Variants in NUDT14 observed in about 807,000 individuals in gnomAD.
NUDT14 encodes nudix hydrolase 14, also known as uridine diphosphate glucose pyrophosphatase NUDT14.
NUDT14 carries 22 observed loss-of-function variants against 17.5 expected under a neutral mutation model. The ratio of observed to expected loss-of-function variants is 1.26; its 90% CI spans 0.90 to 1.80. The LOEUF is 1.80. Ranked by LOEUF, NUDT14 falls within the 40% of genes most tolerant of loss-of-function variation. NUDT14 has a pLI of 0.00. For missense variants in NUDT14, 296 were observed against 295.6 expected, an observed-to-expected ratio of 1.00 and a Z score of -0.01; for synonymous variants, 129 against 125.8, an observed-to-expected ratio of 1.03 and a Z score of -0.17.
intron 4 of NUDT14, 153 bp downstream of exon 4, chr14:105,176,381 A>T (rs1889212514): frequency 4.4e-6 from 3 of 684,182 alleles, no homozygotes; most frequent in South Asian, 3.6e-5. Flanking sequence ...GGCCTGGCTT[A>T]GGAGCTGAGG....
intron 1 of NUDT14, among the ~76,000 whole-genome samples, chr14:105,178,935 C>T (rs1889273184): frequency 6.6e-6 from 1 of 152,114 alleles, no homozygotes; most frequent in Non-Finnish European, 1.5e-5. Flanking sequence ...TCAGGCAGCC[C>T]GAGAGGCCGT....
intron 1 of NUDT14, among the ~76,000 whole-genome samples, chr14:105,179,604 C>G (rs752134215): frequency 2.8e-4 from 43 of 152,250 alleles, no homozygotes; most frequent in Non-Finnish European, 4.7e-4. Context: ...GGGCCTGCAC[C>G]TGCTGCCTGA....
intron 4 of NUDT14, chr14:105,175,362 C>T (rs760211413): frequency 1.0e-4 from 16 of 153,692 alleles, no homozygotes; most frequent in South Asian, 9.9e-4. Flanking sequence ...CAAGTCCACC[C>T]TTCGGCATGG....
rs1889142888 is a variant in NUDT14, at chr14:105,173,277, G to C, written c.429-16C>G. 6.7e-7 allele frequency: 1 copy of C among 1,498,510 alleles called. No individual in the cohort carries two copies. The highest frequency in any genetic ancestry group is 8.9e-7 in the Non-Finnish European group (1 of 1,123,602). 92.8% of individuals were successfully genotyped at this position (1,498,510 alleles called of 1,614,324 possible). A position where few individuals can be genotyped will look rare whatever the true frequency, so the allele number is the denominator to read the frequency against. The stretch of plus-strand genomic sequence containing the variant: ...CACTCCAGACCTACGGGTTGAGACA[G>C]GGTCTGCTGAGTCACCCACGCTGGC... On this transcript the variant is annotated splice_polypyrimidine_tract_variant and intron_variant, in intron 4 of 4. Transcript: ENST00000392568. This position sits in a 1 kb window ranked among gnomAD's most constrained non-coding sequence, Gnocchi z 4.7.
intron 3 of NUDT14, 64 bp from the exon 4 acceptor site, chr14:105,176,835 C>G: frequency 6.4e-7 from 1 of 1,570,984 alleles, no homozygotes; most frequent in Non-Finnish European, 8.7e-7. Context: ...GTCACCCACA[C>G]AGCCAAGCCC....
At chr14:105,176,482 C>G in intron 4 of NUDT14, 52 bp downstream of exon 4, 1 of 1,425,244 alleles carries the variant, frequency 7.0e-7, no homozygotes, top group Non-Finnish European at 9.9e-7. Flanking sequence ...GGCCCTCACT[C>G]TCTCCCATCT....
At chr14:105,178,868 G>A (rs1319896056) in intron 1 of NUDT14, among the ~76,000 whole-genome samples, 4 of 152,324 alleles carry the variant, frequency 2.6e-5, no homozygotes, top group Admixed American at 6.5e-5. Context: ...AGGCAAAGGC[G>A]TCCTGGGAGG....
chr14:105,174,968 C>T (rs781248041), intron 4 of NUDT14, among the ~76,000 whole-genome samples: 1 of 152,196 alleles, frequency 6.6e-6, no homozygotes, highest in Non-Finnish European at 1.5e-5. Flanking sequence ...GAGACGGACA[C>T]CCTGACCCCT....
chr14:105,173,536 C>T lies in NUDT14; in HGVS notation c.429-275G>A, dbSNP rs1389412753. 9.3e-6 allele frequency: 3 copies of T among 323,570 alleles called. No homozygotes were observed. Among genetic ancestry groups the T allele is most frequent in the Admixed American group, 4.9e-5 (1 of 20,382 alleles). The allele number at this position is 323,570 out of a possible 1,614,324, so 20.0% of individuals were successfully genotyped here. On this transcript the variant is annotated intron_variant, in intron 4 of 4. Coordinates refer to ENST00000392568, the MANE Select transcript of NUDT14 (RefSeq NM_177533.5). This position sits in a 1 kb window ranked among gnomAD's most constrained non-coding sequence, Gnocchi z 4.7. ...AGGACCCTAACCGGTGACTTGAGCT[C>T]ATCAGAAGGGAGAGCATCCTAGGCG...
chr14:105,178,729 C>T (rs1450269218), intron 1 of NUDT14, among the ~76,000 whole-genome samples: 1 of 152,214 alleles, frequency 6.6e-6, no homozygotes, highest in Non-Finnish European at 1.5e-5. Flanking sequence ...GCAGCAGAGA[C>T]ACAGAAGTGC....
chr14:105,177,548 G>A, intron 2 of NUDT14, 144 bp downstream of exon 2: 1 of 750,756 alleles, frequency 1.3e-6, no homozygotes, highest in Non-Finnish European at 2.2e-6. Context: ...GAAACCCAGA[G>A]GCCGGGCAGA....
Position 105,181,270 on chromosome 14 carries a change from T to G in NUDT14, c.-61A>C, listed in dbSNP as rs992469255. Reference sequence around the variant, plus strand: ...CGGGGGCCGACACGGGGCGGCGCCCTGTCCCGACAGGAGCCTTCGGGCGGG... The same window carrying G: ...CGGGGGCCGACACGGGGCGGCGCCCGGTCCCGACAGGAGCCTTCGGGCGGG... On this transcript the variant is annotated 5_prime_UTR_variant, in exon 1 of 5. Transcript: ENST00000392568. This position sits in a 1 kb window ranked among gnomAD's most constrained non-coding sequence, Gnocchi z 5.0. 9.9e-5 allele frequency: 64 copies of G among 645,598 alleles called. No individual in the cohort carries two copies. In the African/African-American group the frequency reaches 1.0e-3, roughly 10 times the overall value. The allele number at this position is 645,598 out of a possible 1,614,324, so 40.0% of individuals were successfully genotyped here.
chr14:105,175,782 G>T, intron 4 of NUDT14: 1 of 1,015,830 alleles, frequency 9.8e-7, no homozygotes, highest in Non-Finnish European at 1.2e-6. Context: ...AGGCTGCTGA[G>T]GTGGGAGGGC....
chr14:105,181,135 G>T lies in NUDT14; in HGVS notation c.75C>A (p.Tyr25Ter). ...SPYLRPLTLH[Y>*]RQNGAQKSWD... Reference sequence around the variant, plus strand: ...CGCGGGGGCGCGGGCTCACCTGGCGGTAATGCAGCGTGAGCGGCCGCAGGT... The same window carrying T: ...CGCGGGGGCGCGGGCTCACCTGGCGTTAATGCAGCGTGAGCGGCCGCAGGT... Residue 25 changes from tyrosine (Y) to a stop codon, truncating the protein, a stop_gained, in exon 1 of 5, where the codon TAC becomes TAA. Coordinates refer to ENST00000392568, the MANE Select transcript of NUDT14 (RefSeq NM_177533.5). LOFTEE classifies it high-confidence loss of function. This position sits in a 1 kb window ranked among gnomAD's most constrained non-coding sequence, Gnocchi z 5.0. 1 of 1,118,538 alleles carries T rather than the reference G, an allele frequency of 8.9e-7. No homozygotes were observed. Among genetic ancestry groups the T allele is most frequent in the Non-Finnish European group, 1.1e-6 (1 of 910,854 alleles). 69.3% of individuals were successfully genotyped at this position (1,118,538 alleles called of 1,614,324 possible).
chr14:105,177,358 G>T (rs587776087), intron 2 of NUDT14: 30 of 549,630 alleles, frequency 5.5e-5, no homozygotes, highest in African/African-American at 5.3e-4. Context: ...CTGAGCAGCT[G>T]CCCACCAGCC....
At chr14:105,174,346 G>A (rs1566776719) in intron 4 of NUDT14, among the ~76,000 whole-genome samples, 2 of 151,412 alleles carry the variant, frequency 1.3e-5, no homozygotes, top group Admixed American at 6.6e-5. Context: ...AAACGGGACT[G>A]AGGGGCATCT....
At chr14:105,177,858 C>T (rs1407923661) in intron 1 of NUDT14, 123 bp from the exon 2 acceptor site, 2 of 858,846 alleles carry the variant, frequency 2.3e-6, no homozygotes, top group East Asian at 2.5e-5. Flanking sequence ...GGCCTGGGCC[C>T]ACGGGAGCCA....
intron 1 of NUDT14, among the ~76,000 whole-genome samples, chr14:105,180,552 T>A (rs955869060): frequency 6.6e-6 from 1 of 152,196 alleles, no homozygotes; most frequent in Non-Finnish European, 1.5e-5. Flanking sequence ...TGCCGTGGCC[T>A]GGCATGGGAG....
intron 3 of NUDT14, 52 bp downstream of exon 3, chr14:105,176,911 A>C: frequency 6.4e-7 from 1 of 1,571,452 alleles, no homozygotes; most frequent in South Asian, 1.1e-5. Flanking sequence ...TCAGGACCAC[A>C]GGGACCTGAA....
Sources: allele counts gnomAD v4.1 joint callset (sites outside exome capture counted in the v4.1 genomes callset), GRCh38; gene constraint gnomAD v4.1.1; non-coding constraint Gnocchi (gnomAD v3.1); transcripts MANE v1.5; gene names NCBI Gene and HGNC (gene_info 2026-07-23, HGNC 2026-07-21).